The following RABGAP1L variants were observed in gnomAD, a reference collection of about 807,000 sequenced individuals.
The protein encoded by RABGAP1L is RAB GTPase activating protein 1 like.
RABGAP1L carries 63 observed loss-of-function variants against 137.7 expected under a neutral mutation model. The ratio of observed to expected loss-of-function variants is 0.46; its 90% CI spans 0.37 to 0.56. The LOEUF (loss-of-function observed/expected upper bound fraction) is 0.56, where lower values mean the gene tolerates loss of function less well. RABGAP1L is among the 20% of genes least tolerant of loss of function. The pLI, the probability that RABGAP1L is intolerant of heterozygous loss-of-function variation, is 0.00. For missense variants in RABGAP1L, 1,095 were observed against 1,244.0 expected (o/e 0.88, Z 1.80); for synonymous variants, 431 against 433.7 (o/e 0.99, Z 0.08).
At chr1:174,547,462 A>C (rs191376392) in intron 13 of RABGAP1L, among the ~76,000 whole-genome samples, 13 of 152,240 alleles carry the variant, frequency 8.5e-5, no homozygotes, top group Admixed American at 7.8e-4. Flanking sequence ...GCAAAAAAAT[A>C]AAAAATTAGC....
At chr1:174,895,903 A>G (rs2149136457) in intron 19 of RABGAP1L, among the ~76,000 whole-genome samples, 1 of 152,270 alleles carries the variant, frequency 6.6e-6, no homozygotes, top group East Asian at 1.9e-4. Flanking sequence ...CAGTAAACAT[A>G]TGTGTGCATG....
chr1:174,906,363 C>T (rs779490904), intron 19 of RABGAP1L, among the ~76,000 whole-genome samples: 2 of 152,156 alleles, frequency 1.3e-5, no homozygotes, highest in African/African-American at 2.4e-5. Context: ...TGCATTGGCT[C>T]ATGCCTGTAA....
intron 19 of RABGAP1L, among the ~76,000 whole-genome samples, chr1:174,919,104 C>T (rs945855271): frequency 1.3e-5 from 2 of 151,878 alleles, no homozygotes; most frequent in Non-Finnish European, 2.9e-5. Flanking sequence ...CTGCAACCTC[C>T]GCCTCCCAGG....
intron 12 of RABGAP1L, 124 bp from the exon 13 acceptor site, chr1:174,393,871 C>T (rs1320820892): frequency 9.9e-7 from 1 of 1,005,996 alleles, no homozygotes; most frequent in Non-Finnish European, 1.4e-6. Flanking sequence ...TTTAATGCCC[C>T]CCCACAAACT....
At chr1:174,736,593 G>A (rs1682963044) in intron 17 of RABGAP1L, among the ~76,000 whole-genome samples, 1 of 152,200 alleles carries the variant, frequency 6.6e-6, no homozygotes, top group Non-Finnish European at 1.5e-5. Flanking sequence ...ACTCTGTGTG[G>A]GGGCTCCAGC....
intron 13 of RABGAP1L, chr1:174,447,996 C>G: frequency 2.5e-6 from 2 of 792,862 alleles, no homozygotes; most frequent in East Asian, 5.2e-5. Flanking sequence ...GACAGAAGCA[C>G]TGACACTGTC....
At chr1:174,345,397 A>G (rs1436563546) in intron 11 of RABGAP1L, among the ~76,000 whole-genome samples, 1 of 152,196 alleles carries the variant, frequency 6.6e-6, no homozygotes, top group Non-Finnish European at 1.5e-5. Context: ...CATTTTAACA[A>G]TATTGATTCT....
intron 11 of RABGAP1L, among the ~76,000 whole-genome samples, chr1:174,306,413 C>T (rs1487061742): frequency 6.6e-6 from 1 of 152,196 alleles, no homozygotes; most frequent in Non-Finnish European, 1.5e-5. Context: ...TCTCCACATC[C>T]TCTCCAGCAC....
chr1:174,252,993 G>C (rs1408529517), intron 7 of RABGAP1L, among the ~76,000 whole-genome samples: 1 of 152,132 alleles, frequency 6.6e-6, no homozygotes, highest in Non-Finnish European at 1.5e-5. Context: ...ATACTTGTGT[G>C]TCAATTCACA....
chr1:174,464,624 CTGTT>C (rs1348219533), intron 13 of RABGAP1L, among the ~76,000 whole-genome samples: 6 of 151,940 alleles, frequency 3.9e-5, no homozygotes, highest in African/African-American at 1.5e-4. Context: ...ATAGCCCTGT[CTGTT>C]TAATAAATGT....
chr1:174,460,251 CATTT>C (rs1037540988), intron 13 of RABGAP1L, among the ~76,000 whole-genome samples: 15 of 151,820 alleles, frequency 9.9e-5, no homozygotes, highest in South Asian at 4.2e-4. Flanking sequence ...CCTCCTCATT[CATTT>C]AGTTATTTTT....
intron 13 of RABGAP1L, among the ~76,000 whole-genome samples, chr1:174,511,874 C>T (rs1662380283): frequency 6.6e-6 from 1 of 152,174 alleles, no homozygotes; most frequent in Non-Finnish European, 1.5e-5. Flanking sequence ...CCACCTCGGC[C>T]TCCCAAAGTG....
intron 10 of RABGAP1L, among the ~76,000 whole-genome samples, chr1:174,287,923 T>G (rs1275906845): frequency 6.6e-6 from 1 of 152,208 alleles, no homozygotes; most frequent in Non-Finnish European, 1.5e-5. Flanking sequence ...TTTGCTGTCT[T>G]TCTTTATAAT....
chr1:174,325,875 C>T (rs1276863451), intron 11 of RABGAP1L, among the ~76,000 whole-genome samples: 1 of 152,210 alleles, frequency 6.6e-6, no homozygotes, highest in Non-Finnish European at 1.5e-5. Context: ...GCAAGAAGCA[C>T]ATTCCACAGA....
chr1:174,765,544 C>T (rs1685596594), intron 18 of RABGAP1L, among the ~76,000 whole-genome samples: 1 of 152,042 alleles, frequency 6.6e-6, no homozygotes, highest in Non-Finnish European at 1.5e-5. Flanking sequence ...AAAGGATCCT[C>T]CTACATCAGA....
At chr1:174,235,191 T>TA (rs1464474962) in intron 4 of RABGAP1L, among the ~76,000 whole-genome samples, 1 of 145,576 alleles carries the variant, frequency 6.9e-6, no homozygotes, top group Non-Finnish European at 1.5e-5. Context: ...GTTTTCTAGA[T>TA]ATACAATCAT....
chr1:174,558,318 A>G (rs904438018), intron 13 of RABGAP1L, among the ~76,000 whole-genome samples: 2 of 152,234 alleles, frequency 1.3e-5, no homozygotes, highest in African/African-American at 2.4e-5. Context: ...CTCTCAGCCT[A>G]AGGAAATTCT....
chr1:174,637,581 T>G (rs1674165074), intron 14 of RABGAP1L, 93 bp downstream of exon 14: 1 of 853,628 alleles, frequency 1.2e-6, no homozygotes, highest in Non-Finnish European at 1.9e-6. Flanking sequence ...CTTCATTTCT[T>G]ATTTGCACTA....
intron 13 of RABGAP1L, among the ~76,000 whole-genome samples, chr1:174,616,079 C>T (rs1671824041): frequency 6.6e-6 from 1 of 152,248 alleles, no homozygotes; most frequent in Admixed American, 6.5e-5. Flanking sequence ...CAGTGCGCTG[C>T]ACCCACTGTC....
Sources: gnomAD v4.1 joint callset for allele counts (sites outside exome capture counted in the v4.1 genomes callset) on GRCh38, gnomAD v4.1.1 for gene constraint, MANE v1.5 for transcripts, NCBI Gene and HGNC (gene_info 2026-07-23, HGNC 2026-07-21) for gene names.